TENM4: variants seen among roughly 807,000 people sequenced by gnomAD.
The protein encoded by TENM4 is teneurin transmembrane protein 4, also known as teneurin-4.
Under a neutral mutation model 243.3 loss-of-function variants are expected in TENM4, and 82 were observed. That is an observed-to-expected ratio of 0.34 (90% CI 0.28 to 0.40). TENM4 has a LOEUF of 0.40. TENM4 is among the 10% of genes least tolerant of loss of function. The pLI is 1.00. For missense variants in TENM4, 3,138 were observed against 3,673.3 expected (o/e 0.85, Z 3.77); for synonymous variants, 1,412 against 1,456.3 (o/e 0.97, Z 0.69).
intron 1 of TENM4, among the ~76,000 whole-genome samples, chr11:79,339,829 T>C (rs1467138263): frequency 1.3e-5 from 2 of 152,024 alleles, no homozygotes; most frequent in Middle Eastern, 3.4e-3. Flanking sequence ...AGAATGAGAA[T>C]AAATCAGCCC....
chr11:79,108,550 T>A (rs1861428727), intron 4 of TENM4, among the ~76,000 whole-genome samples: 2 of 152,124 alleles, frequency 1.3e-5, no homozygotes, highest in Non-Finnish European at 2.9e-5. Flanking sequence ...GTATACATAA[T>A]ATTCCATTAG....
At chr11:79,425,768 T>C (rs1859035499) in intron 1 of TENM4, among the ~76,000 whole-genome samples, 1 of 152,194 alleles carries the variant, frequency 6.6e-6, no homozygotes. Flanking sequence ...CTCTTTGGTC[T>C]CTGCCTGCCT....
intron 3 of TENM4, among the ~76,000 whole-genome samples, chr11:79,153,081 G>A (rs966963656): frequency 6.6e-6 from 1 of 152,336 alleles, no homozygotes; most frequent in East Asian, 1.9e-4. Flanking sequence ...ACTAAAGGAT[G>A]ATACCAAGAT....
At chr11:79,010,949 A>G (rs747872916) in intron 6 of TENM4, among the ~76,000 whole-genome samples, 1 of 152,146 alleles carries the variant, frequency 6.6e-6, no homozygotes, top group Non-Finnish European at 1.5e-5. Flanking sequence ...TCCTGGAGCA[A>G]GTTACTTTAT....
chr11:79,035,590 C>T (rs2136875998), intron 6 of TENM4, among the ~76,000 whole-genome samples: 1 of 151,484 alleles, frequency 6.6e-6, no homozygotes, highest in Admixed American at 6.6e-5. Flanking sequence ...GCCCATAATT[C>T]CACCACTTGG....
At chr11:78,954,051 C>T (rs1425130042) in intron 6 of TENM4, among the ~76,000 whole-genome samples, 1 of 152,096 alleles carries the variant, frequency 6.6e-6, no homozygotes, top group African/African-American at 2.4e-5. Flanking sequence ...TCTCAAACAC[C>T]TATATAAATA....
chr11:78,702,770 G>T (rs533178799), intron 27 of TENM4, among the ~76,000 whole-genome samples: 1 of 152,260 alleles, frequency 6.6e-6, no homozygotes, highest in South Asian at 2.1e-4. Flanking sequence ...AGTCACATAT[G>T]GGAAATGGGA....
intron 1 of TENM4, among the ~76,000 whole-genome samples, chr11:79,371,927 CA>C (rs1857795914): frequency 6.6e-6 from 1 of 151,976 alleles, no homozygotes; most frequent in South Asian, 2.1e-4. Context: ...ACAAAGTGAG[CA>C]GAGATAAGAG....
intron 1 of TENM4, among the ~76,000 whole-genome samples, chr11:79,430,109 A>G (rs1340817916): frequency 6.6e-6 from 1 of 150,692 alleles, no homozygotes; most frequent in Non-Finnish European, 1.5e-5. Flanking sequence ...TCTTCCTGGA[A>G]TGTGGCTTGG....
chr11:78,841,156 T>A (rs1019914625), intron 12 of TENM4, among the ~76,000 whole-genome samples: 2 of 152,194 alleles, frequency 1.3e-5, no homozygotes, highest in African/African-American at 4.8e-5. Flanking sequence ...ATTACCTTCA[T>A]GAGTTGGGTA....
intron 25 of TENM4, among the ~76,000 whole-genome samples, chr11:78,712,993 A>G (rs1397220869): frequency 2.0e-5 from 3 of 152,204 alleles, no homozygotes; most frequent in African/African-American, 7.2e-5. Flanking sequence ...GATTAAGATG[A>G]CCAGCTCAGT....
Position 78,871,018 on chromosome 11 carries a change from C to T in TENM4, c.1085-7886G>A, listed in dbSNP as rs556264151. Among the ~76,000 whole-genome samples, 16 of 152,334 alleles carry T rather than the reference C, an allele frequency of 1.1e-4. No individual in the cohort carries two copies. In the South Asian group the frequency reaches 1.7e-3, roughly 16 times the overall value. On this transcript the variant is annotated intron_variant, in intron 9 of 33. Coordinates refer to ENST00000278550, the MANE Select transcript of TENM4 (RefSeq NM_001098816.3). The stretch of plus-strand genomic sequence containing the variant: ...TAATTTAGGAGTTGGCCACCCCCCA[C>T]CAACCTTTGGACTCACCTCAGCCCA...
At chr11:78,792,346 G>C (rs1218638850) in intron 15 of TENM4, among the ~76,000 whole-genome samples, 2 of 152,180 alleles carry the variant, frequency 1.3e-5, no homozygotes, top group Admixed American at 1.3e-4. Flanking sequence ...CTAGGTAGAA[G>C]CCATTTGTAT....
chr11:79,245,958 AAAAAG>A (rs1565266632), intron 2 of TENM4, among the ~76,000 whole-genome samples: 1 of 150,528 alleles, frequency 6.6e-6, no homozygotes, highest in Non-Finnish European at 1.5e-5. Flanking sequence ...AAAAAAAAAA[AAAAAG>A]AAAAGAAAAG....
intron 6 of TENM4, among the ~76,000 whole-genome samples, chr11:79,021,315 C>T (rs911909283): frequency 2.6e-5 from 4 of 152,130 alleles, no homozygotes; most frequent in Non-Finnish European, 5.9e-5. Flanking sequence ...TTCAGTGGTT[C>T]CTCTTCTATC....
chr11:79,109,045 T>C (rs969707362), intron 4 of TENM4, among the ~76,000 whole-genome samples: 1 of 152,108 alleles, frequency 6.6e-6, no homozygotes, highest in Non-Finnish European at 1.5e-5. Context: ...GAGTATGCAG[T>C]GAGTCACTTT....
chr11:78,873,468 AG>A (rs1591088614), intron 9 of TENM4, among the ~76,000 whole-genome samples: 1 of 152,224 alleles, frequency 6.6e-6, no homozygotes, highest in African/African-American at 2.4e-5. Context: ...TGAGGCTTAA[AG>A]AGGTCTATCA....
chr11:78,757,822 CA>C (rs1856344493), intron 18 of TENM4, among the ~76,000 whole-genome samples: 1 of 152,130 alleles, frequency 6.6e-6, no homozygotes. Context: ...GAGGAGGCTG[CA>C]GGGATATTTG....
At chr11:79,407,909 C>CTTTTT (rs71457508) in intron 1 of TENM4, among the ~76,000 whole-genome samples, 5 of 139,444 alleles carry the variant, frequency 3.6e-5, no homozygotes, top group Non-Finnish European at 4.7e-5. Flanking sequence ...TTTTCTTTTT[C>CTTTTT]TTTTTTTTTT....
Sources: gnomAD v4.1 joint callset for allele counts (sites outside exome capture counted in the v4.1 genomes callset) on GRCh38, gnomAD v4.1.1 for gene constraint, MANE v1.5 for transcripts, NCBI Gene and HGNC (gene_info 2026-07-23, HGNC 2026-07-21) for gene names.